RGPD2: variants seen among roughly 807,000 people sequenced by gnomAD.
The protein encoded by RGPD2 is RANBP2-like and GRIP domain-containing protein 2.
RGPD2 carries 2 observed loss-of-function variants against 36.0 expected under a neutral mutation model. The observed-to-expected ratio is 0.06, with a 90% confidence interval of 0.02 to 0.17. RGPD2 has a LOEUF of 0.17. Among genes scored for constraint, RGPD2 ranks in the 10% least tolerant of loss-of-function variants. The pLI, the probability that RGPD2 is intolerant of heterozygous loss-of-function variation, is 1.00. For synonymous variants in RGPD2, 19 were observed against 163.8 expected (o/e 0.12, Z 6.75); for missense variants, 40 against 464.3 (o/e 0.09, Z 8.40).
chr2:87,935,721 AC>A, the RGPD2 span, among the ~76,000 whole-genome samples: 178 of 148,538 alleles, frequency 1.2e-3, 1 homozygote, highest in Admixed American at 2.0e-3. Flanking sequence ...AAGAAAATAA[AC>A]TTTTAAGAGG....
At chr2:87,877,586 G>A in the RGPD2 span, among the ~76,000 whole-genome samples, 3 of 152,330 alleles carry the variant, frequency 2.0e-5, no homozygotes, top group East Asian at 1.9e-4. Context: ...GGCAGATCAC[G>A]AAGTCAGGAG....
chr2:87,924,418 C>T, the RGPD2 span, among the ~76,000 whole-genome samples: 22 of 149,016 alleles, frequency 1.5e-4, no homozygotes, highest in African/African-American at 4.7e-4. Context: ...GAATAGCGTT[C>T]GAGCAGTGAG....
At chr2:87,837,062 G>T in the RGPD2 span, among the ~76,000 whole-genome samples, 1 of 151,936 alleles carries the variant, frequency 6.6e-6, no homozygotes, top group African/African-American at 2.4e-5. Flanking sequence ...CAATACAGGA[G>T]CCCCCAGATT....
At chr2:87,978,761 A>T in the RGPD2 span, among the ~76,000 whole-genome samples, 1 of 120,162 alleles carries the variant, frequency 8.3e-6, no homozygotes. Context: ...TGCCAAAAAA[A>T]TTTAAAAATT....
At chr2:87,785,896 A>G (rs2104298581) in intron 18 of RGPD2, among the ~76,000 whole-genome samples, 1 of 152,274 alleles carries the variant, frequency 6.6e-6, no homozygotes, top group South Asian at 2.1e-4. Flanking sequence ...GGAAGAAGAA[A>G]CAGAAACTGT....
At chr2:87,971,389 TA>T in the RGPD2 span, among the ~76,000 whole-genome samples, 1 of 126,770 alleles carries the variant, frequency 7.9e-6, no homozygotes, top group Non-Finnish European at 1.6e-5. Context: ...TCCTAAACTA[TA>T]AAATGAATAT....
the RGPD2 span, among the ~76,000 whole-genome samples, chr2:87,949,101 AC>A: frequency 6.6e-6 from 1 of 151,982 alleles, no homozygotes; most frequent in Non-Finnish European, 1.5e-5. Context: ...CAGAGACTGC[AC>A]CACTGCACTT....
the RGPD2 span, chr2:87,985,942 A>T: frequency 6.7e-7 from 1 of 1,483,120 alleles, no homozygotes; most frequent in Non-Finnish European, 9.2e-7. Flanking sequence ...TAATTTTAGT[A>T]TTCTTACTCT....
intron 22 of RGPD2, among the ~76,000 whole-genome samples, chr2:87,769,346 G>T (rs551624152): frequency 1.4e-3 from 213 of 152,118 alleles, no homozygotes; most frequent in African/African-American, 4.9e-3. Context: ...TTGTAATAAG[G>T]TCTCTTTTAT....
At chr2:87,895,218 C>A in the RGPD2 span, among the ~76,000 whole-genome samples, 1 of 152,288 alleles carries the variant, frequency 6.6e-6, no homozygotes, top group African/African-American at 2.4e-5. Flanking sequence ...AGGTAGCATG[C>A]AACTCAGCTT....
rs1392428202 is a variant in RGPD2, at chr2:87,756,519, T to C, written c.*873A>G. 2 of 308,988 alleles carry C rather than the reference T, an allele frequency of 6.5e-6. No individual in the cohort carries two copies. The highest frequency in any genetic ancestry group is 2.1e-5 in the African/African-American group (1 of 47,018). The allele number at this position is 308,988 out of a possible 1,614,324, so 19.1% of individuals were successfully genotyped here. A position where few individuals can be genotyped will look rare whatever the true frequency, so the allele number is the denominator to read the frequency against. ...TATTTCCTGTAACCCCCCTGTCTGA[T>C]TCCACTAGAATGTGAGCTCTATGAT... is the stretch of plus-strand genomic sequence containing the variant. On this transcript the variant is annotated 3_prime_UTR_variant, in exon 23 of 23. Coordinates refer to ENST00000398146, the MANE Select transcript of RGPD2 (RefSeq NM_001078170.3).
At chr2:87,874,937 G>A in the RGPD2 span, among the ~76,000 whole-genome samples, 110 of 149,654 alleles carry the variant, frequency 7.4e-4, no homozygotes, top group East Asian at 0.017. Context: ...GAAGATGTCC[G>A]TTACTTTCCT....
the RGPD2 span, among the ~76,000 whole-genome samples, chr2:87,948,676 C>T: frequency 1.7e-4 from 21 of 127,200 alleles, no homozygotes; most frequent in South Asian, 5.5e-4. Context: ...CCACCGCACC[C>T]GGTGGCAATT....
At chr2:87,844,399 A>G in the RGPD2 span, among the ~76,000 whole-genome samples, 5 of 151,710 alleles carry the variant, frequency 3.3e-5, no homozygotes, top group East Asian at 5.8e-4. Context: ...ATCTATTTAC[A>G]CATATTCTTG....
At chr2:87,860,652 A>G in the RGPD2 span, among the ~76,000 whole-genome samples, 1 of 152,054 alleles carries the variant, frequency 6.6e-6, no homozygotes, top group South Asian at 2.1e-4. Flanking sequence ...AAGCTTCAAC[A>G]GGCCACAATA....
the RGPD2 span, among the ~76,000 whole-genome samples, chr2:87,872,273 A>G: frequency 1.3e-5 from 2 of 152,178 alleles, no homozygotes; most frequent in Non-Finnish European, 2.9e-5. Flanking sequence ...TTACATTATC[A>G]AGAAATCAAT....
At chr2:87,865,243 G>A in the RGPD2 span, among the ~76,000 whole-genome samples, 5 of 152,110 alleles carry the variant, frequency 3.3e-5, no homozygotes, top group South Asian at 2.1e-4. Flanking sequence ...AGTTTTTGAC[G>A]AAGGCAAGGT....
At chr2:87,989,548 A>T in the RGPD2 span, 2 of 429,618 alleles carry the variant, frequency 4.7e-6, no homozygotes, top group Admixed American at 4.5e-5. Flanking sequence ...CTGTATAGTA[A>T]AAAGTAAAAT....
chr2:87,824,728 C>CCGCCGCCG, intron 1 of RGPD2, among the ~76,000 whole-genome samples: 2 of 118,330 alleles, frequency 1.7e-5, no homozygotes, highest in Admixed American at 8.0e-5. Context: ...GCCGCCGCCG[C>CCGCCGCCG]CCGGCCAGGC....
Sources: allele counts gnomAD v4.1 joint callset (sites outside exome capture counted in the v4.1 genomes callset), GRCh38; gene constraint gnomAD v4.1.1; transcripts MANE v1.5; gene names NCBI Gene and HGNC (gene_info 2026-07-23, HGNC 2026-07-21).